Variants in CUX2 observed in about 807,000 individuals in gnomAD.
The protein encoded by CUX2 is cut like homeobox 2.
CUX2 carries 40 observed loss-of-function variants against 144.8 expected under a neutral mutation model. The ratio of observed to expected loss-of-function variants is 0.28; its 90% CI spans 0.21 to 0.36. CUX2 has a LOEUF of 0.36. Among genes scored for constraint, CUX2 ranks in the 10% least tolerant of loss-of-function variants. The probability of loss-of-function intolerance (pLI) is 1.00; values close to 1 mark genes in which losing one functional copy is unlikely to be tolerated. For missense variants in CUX2, 1,615 were observed against 1,994.0 expected (o/e 0.81, Z 3.62); for synonymous variants, 827 against 875.6 (o/e 0.94, Z 0.98).
At chr12:111,094,301 T>C (rs1872700787) in intron 1 of CUX2, among the ~76,000 whole-genome samples, 1 of 152,212 alleles carries the variant, frequency 6.6e-6, no homozygotes, top group Non-Finnish European at 1.5e-5. Flanking sequence ...TGAGCAGCCC[T>C]GGCCACCTCA....
intron 3 of CUX2, among the ~76,000 whole-genome samples, chr12:111,260,138 A>G (rs975690163): frequency 7.5e-5 from 11 of 147,118 alleles, no homozygotes; most frequent in Non-Finnish European, 1.7e-4. Flanking sequence ...ACTCCAGCCT[A>G]GGCAATACAG....
At chr12:111,229,747 A>C (rs1882366589) in intron 3 of CUX2, among the ~76,000 whole-genome samples, 1 of 152,140 alleles carries the variant, frequency 6.6e-6, no homozygotes, top group African/African-American at 2.4e-5. Context: ...TTGGCCAAGC[A>C]CAGTGGCTCA....
At chr12:111,275,627 C>T (rs1357893684) in intron 4 of CUX2, among the ~76,000 whole-genome samples, 1 of 152,130 alleles carries the variant, frequency 6.6e-6, no homozygotes, top group Non-Finnish European at 1.5e-5. Flanking sequence ...GGAGTGGGGG[C>T]ATGATTTTAG....
chr12:111,267,075 G>A (rs963930054), intron 4 of CUX2, among the ~76,000 whole-genome samples: 4 of 151,938 alleles, frequency 2.6e-5, no homozygotes, highest in Admixed American at 2.0e-4. Context: ...GTGGGCGCCT[G>A]TGGTCCTAGC....
At position 111,089,356 on chromosome 12, in the gene CUX2, A is replaced by G. The variant is rs377151793; in HGVS notation, c.63+55116A>G. Among the ~76,000 whole-genome samples the G allele has an allele frequency of 2.6e-5, 4 of 152,196 alleles. No homozygotes were observed. The East Asian group carries it at 5.8e-4, about 22-fold the overall frequency. ...CTGAGAAATGGGGGGAGTAATGGGGATTAAATAGAAAATATGTTTGATAAC... is the reference window on the plus strand; with the variant it reads ...CTGAGAAATGGGGGGAGTAATGGGGGTTAAATAGAAAATATGTTTGATAAC... On this transcript the variant is annotated intron_variant, in intron 1 of 21. Transcript: ENST00000261726.
intron 1 of CUX2, among the ~76,000 whole-genome samples, chr12:111,133,913 G>T (rs1875674023): frequency 6.6e-6 from 1 of 152,150 alleles, no homozygotes; most frequent in South Asian, 2.1e-4. Flanking sequence ...AGCTTCACCA[G>T]GGTCTTCCCA....
At chr12:111,298,485 C>T (rs1045715153) in intron 8 of CUX2, 56 bp from the exon 9 acceptor site, 3 of 1,531,736 alleles carry the variant, frequency 2.0e-6, no homozygotes, top group Non-Finnish European at 2.6e-6. Flanking sequence ...TCAGGAGGGG[C>T]GGGGGCCTGG....
At chr12:111,119,724 A>G (rs1874518656) in intron 1 of CUX2, among the ~76,000 whole-genome samples, 1 of 152,260 alleles carries the variant, frequency 6.6e-6, no homozygotes, top group South Asian at 2.1e-4. Context: ...AAATGGTTGC[A>G]TGAATACACT....
intron 1 of CUX2, among the ~76,000 whole-genome samples, chr12:111,141,944 C>T (rs570781984): frequency 9.9e-5 from 15 of 152,234 alleles, no homozygotes; most frequent in African/African-American, 3.6e-4. Flanking sequence ...ATTAGCAGGG[C>T]ATGGTGGTGT....
intron 1 of CUX2, among the ~76,000 whole-genome samples, chr12:111,062,902 G>A (rs1870843719): frequency 6.6e-6 from 1 of 152,176 alleles, no homozygotes; most frequent in Non-Finnish European, 1.5e-5. Flanking sequence ...TGGGCAGTGT[G>A]GCTGGAGTGC....
At chr12:111,258,687 G>T (rs1883959015) in intron 3 of CUX2, among the ~76,000 whole-genome samples, 1 of 151,916 alleles carries the variant, frequency 6.6e-6, no homozygotes, top group African/African-American at 2.4e-5. Context: ...GCCAGTCCAG[G>T]ATTTCTTTTG....
intron 20 of CUX2, among the ~76,000 whole-genome samples, chr12:111,341,104 C>T (rs908556268): frequency 1.3e-5 from 2 of 152,124 alleles, no homozygotes; most frequent in Non-Finnish European, 2.9e-5. Context: ...TATTTCTTTA[C>T]GGCACCAGGG....
intron 1 of CUX2, among the ~76,000 whole-genome samples, chr12:111,125,319 C>T (rs1348748901): frequency 6.6e-6 from 1 of 151,860 alleles, no homozygotes; most frequent in Admixed American, 6.6e-5. Context: ...AGCTGGGACT[C>T]CAGGCACGTG....
At chr12:111,291,685 C>G in intron 5 of CUX2, 133 bp downstream of exon 5, 1 of 1,020,796 alleles carries the variant, frequency 9.8e-7, no homozygotes, top group South Asian at 2.2e-5. Flanking sequence ...TGGTAACCAT[C>G]TAGTTCCTGG....
chr12:111,345,466 G>A (rs186645004), intron 21 of CUX2, among the ~76,000 whole-genome samples: 2,419 of 146,922 alleles, frequency 0.016, 71 homozygotes, highest in African/African-American at 0.057. Context: ...AAAAAAGGCC[G>A]GGCACAGTGG....
intron 3 of CUX2, among the ~76,000 whole-genome samples, chr12:111,241,009 C>A (rs1882992580): frequency 6.6e-6 from 1 of 152,068 alleles, no homozygotes; most frequent in Non-Finnish European, 1.5e-5. Context: ...GTGTTGCTAT[C>A]ATAAAATACC....
Position 111,258,553 on chromosome 12 carries a change from T to C in CUX2, c.223-5208T>C, listed in dbSNP as rs191028758. On this transcript the variant is annotated intron_variant, in intron 3 of 21. Transcript: ENST00000261726. The stretch of plus-strand genomic sequence containing the variant: ...AAAAGAGGAATTTAGGGACCTGGCC[T>C]TCCACAGACAGCCAGTCATTGCCTT... Among the ~76,000 whole-genome samples the C allele has an allele frequency of 2.8e-3, 418 of 150,712 alleles. 3 individuals carry two copies. Among genetic ancestry groups the C allele is most frequent in the Admixed American group, 4.5e-3 (68 of 15,166 alleles).
intron 1 of CUX2, among the ~76,000 whole-genome samples, chr12:111,087,978 G>A (rs918186321): frequency 2.6e-5 from 4 of 152,138 alleles, no homozygotes; most frequent in Admixed American, 1.3e-4. Flanking sequence ...GAAAAGGAAC[G>A]AACTATTGAT....
At chr12:111,317,430 G>A (rs1463350576) in intron 16 of CUX2, among the ~76,000 whole-genome samples, 1 of 152,070 alleles carries the variant, frequency 6.6e-6, no homozygotes, top group Non-Finnish European at 1.5e-5. Flanking sequence ...GTGTATATAT[G>A]TGTGTGTATA....
Sources: gnomAD v4.1 joint callset for allele counts (sites outside exome capture counted in the v4.1 genomes callset) on GRCh38, gnomAD v4.1.1 for gene constraint, MANE v1.5 for transcripts, NCBI Gene and HGNC (gene_info 2026-07-23, HGNC 2026-07-21) for gene names.